Variants in PTPRN2 observed in about 807,000 individuals in gnomAD.
The protein encoded by PTPRN2 is protein tyrosine phosphatase receptor type N2.
PTPRN2 carries 74 observed loss-of-function variants against 118.8 expected under a neutral mutation model. The ratio of observed to expected loss-of-function variants is 0.62; its 90% CI spans 0.52 to 0.76. The LOEUF is 0.76. Ranked by LOEUF, PTPRN2 falls within the 30% of genes least tolerant of loss-of-function variation. The pLI is 0.00. For synonymous variants in PTPRN2, 641 were observed against 608.0 expected, an observed-to-expected ratio of 1.05 and a Z score of -0.80; for missense variants, 1,481 against 1,394.4, an observed-to-expected ratio of 1.06 and a Z score of -0.99.
In PTPRN2 at chr7:157,590,623, C is replaced by T. The variant is rs142399867; in HGVS notation, c.2496+4615G>A. ...CTGGGCTCTGCTCAGGGACGCAGCA[C>T]GGACAGAGGTGCTGTGGGCCCTGCG... On this transcript the variant is annotated intron_variant, in intron 17 of 22. Coordinates refer to ENST00000389418, the MANE Select transcript of PTPRN2 (RefSeq NM_002847.5). The surrounding 1 kb of genome is among the most constrained non-coding windows in gnomAD (Gnocchi z 4.0). 3.1e-3 allele frequency among the ~76,000 whole-genome samples: 479 copies of T among 152,298 alleles called. 4 individuals are homozygous for T. Among genetic ancestry groups the T allele is most frequent in the African/African-American group, 0.01 (428 of 41,570 alleles).
At chr7:158,120,139 T>C (rs904580340) in intron 9 of PTPRN2, among the ~76,000 whole-genome samples, 2 of 152,192 alleles carry the variant, frequency 1.3e-5, no homozygotes, top group African/African-American at 2.4e-5. Context: ...GTGAGGTTCC[T>C]AGAATCCTCA....
chr7:158,559,399 C>A (rs1827235010), intron 1 of PTPRN2, among the ~76,000 whole-genome samples: 1 of 152,224 alleles, frequency 6.6e-6, no homozygotes, highest in South Asian at 2.1e-4. Flanking sequence ...GAATGACACA[C>A]TTCCATCTTT....
intron 11 of PTPRN2, among the ~76,000 whole-genome samples, chr7:157,916,606 G>A (rs1798411156): frequency 7.2e-5 from 11 of 152,250 alleles, no homozygotes; most frequent in Admixed American, 7.2e-4. Flanking sequence ...TCACTGCAGA[G>A]CACGCAGCTC....
At chr7:157,651,157 C>G (rs547853657) in intron 14 of PTPRN2, among the ~76,000 whole-genome samples, 1 of 152,380 alleles carries the variant, frequency 6.6e-6, no homozygotes, top group Admixed American at 6.5e-5. Flanking sequence ...CCTCCCTCCT[C>G]AGCAAAATTC....
Position 158,570,710 on chromosome 7 carries a change from G to T in PTPRN2, c.112+16848C>A, listed in dbSNP as rs1052362627. Among the ~76,000 whole-genome samples, 1 of 152,206 alleles carries T rather than the reference G, an allele frequency of 6.6e-6. No homozygotes were observed. The highest frequency in any genetic ancestry group is 1.5e-5 in the Non-Finnish European group (1 of 68,036). ...CACGCGGCTGGGTACGGTTTGCAAC[G>T]CCGAGAGCCCGCGGAGAAGCTTGAG... On this transcript the variant is annotated intron_variant, in intron 1 of 22. Coordinates refer to ENST00000389418, the MANE Select transcript of PTPRN2 (RefSeq NM_002847.5). The surrounding 1 kb of genome is among the most constrained non-coding windows in gnomAD (Gnocchi z 4.5).
rs372077091 is a variant in PTPRN2 at position 158,056,906 on chromosome 7, G to A, written c.1723+24392C>T. On this transcript the variant is annotated intron_variant, in intron 11 of 22. Coordinates refer to ENST00000389418, the MANE Select transcript of PTPRN2 (RefSeq NM_002847.5). ...CAGGTGCAGCTGTGCCACCCACATC[G>A]GGACGCGTGCTCCACTCGTGGCATT... Among the ~76,000 whole-genome samples the A allele has an allele frequency of 1.4e-4, 22 of 152,296 alleles. No homozygotes were observed. The East Asian group carries it at 3.9e-3, about 27-fold the overall frequency.
intron 11 of PTPRN2, among the ~76,000 whole-genome samples, chr7:157,948,899 T>A (rs1169885375): frequency 6.6e-6 from 1 of 152,234 alleles, no homozygotes; most frequent in Non-Finnish European, 1.5e-5. Flanking sequence ...TGCAGATTTT[T>A]TTCAACCAAA....
chr7:157,938,892 C>G (rs1350662948), intron 11 of PTPRN2, among the ~76,000 whole-genome samples: 1 of 152,204 alleles, frequency 6.6e-6, no homozygotes, highest in Non-Finnish European at 1.5e-5. Flanking sequence ...TGTCAAGATG[C>G]TCATATCAGT....
intron 13 of PTPRN2, among the ~76,000 whole-genome samples, chr7:157,657,065 A>G (rs1156444867): frequency 8.0e-6 from 1 of 124,240 alleles, no homozygotes; most frequent in Non-Finnish European, 1.6e-5. Context: ...CACACACACC[A>G]CACACGTCAC....
At chr7:157,667,304 GCAA>G (rs1383066876) in intron 13 of PTPRN2, among the ~76,000 whole-genome samples, 1 of 147,576 alleles carries the variant, frequency 6.8e-6, no homozygotes, top group Non-Finnish European at 1.5e-5. Flanking sequence ...TCAGGTGGGT[GCAA>G]CGAGTACACA....
At chr7:158,262,493 A>G (rs111204890) in intron 3 of PTPRN2, among the ~76,000 whole-genome samples, 1 of 102,490 alleles carries the variant, frequency 9.8e-6, no homozygotes, top group African/African-American at 3.6e-5. Flanking sequence ...GCACACACAT[A>G]CATGCACACA....
At chr7:157,695,249 A>G (rs547502617) in intron 12 of PTPRN2, among the ~76,000 whole-genome samples, 2 of 152,136 alleles carry the variant, frequency 1.3e-5, no homozygotes, top group African/African-American at 4.8e-5. Context: ...TATGGGAAAC[A>G]TGATTATTAT....
chr7:158,392,460 C>T (rs765283638), intron 2 of PTPRN2, among the ~76,000 whole-genome samples: 9 of 152,208 alleles, frequency 5.9e-5, no homozygotes, highest in Non-Finnish European at 1.3e-4. Context: ...GTCTGGGGAA[C>T]CATCCTGGCA....
intron 11 of PTPRN2, among the ~76,000 whole-genome samples, chr7:158,072,004 TGC>T: frequency 9.7e-6 from 1 of 103,076 alleles, no homozygotes; most frequent in African/African-American, 3.9e-5. Context: ...GTGGTGGAGG[TGC>T]TCGTCGTATG....
rs556334948 is a variant in PTPRN2, at chr7:158,413,042, C to T, written c.163+76693G>A. Among the ~76,000 whole-genome samples the T allele has an allele frequency of 1.1e-4, 16 of 151,026 alleles. No individual in the cohort carries two copies. In the East Asian group the frequency reaches 3.2e-3, roughly 30 times the overall value. On this transcript the variant is annotated intron_variant, in intron 2 of 22. Transcript: ENST00000389418. ...CAGTGGCCTCCTCAGCTCCAGGGCC[C>T]ATCCAGTGCCCTTCTCAGCTCCAGG...
intron 12 of PTPRN2, among the ~76,000 whole-genome samples, chr7:157,850,911 C>A (rs1529840): frequency 0.68 from 104,084 of 152,150 alleles, 35,956 homozygotes; most frequent in East Asian, 0.93. Flanking sequence ...ATGCTTTGCA[C>A]ATTAGGATTT....
rs1414486759 is a variant in PTPRN2 at position 158,097,253 on chromosome 7, G to T, written c.1643+13576C>A. On this transcript the variant is annotated intron_variant, in intron 10 of 22. Transcript: ENST00000389418. Reference sequence around the variant, plus strand: ...GGCAGGCACTGGGGAAGGAGGTGGAGGGGCCCGGGCAGCACTGGGGTTGTC... The same window carrying T: ...GGCAGGCACTGGGGAAGGAGGTGGATGGGCCCGGGCAGCACTGGGGTTGTC... Among the ~76,000 whole-genome samples, 3 of 152,130 alleles carry T rather than the reference G, an allele frequency of 2.0e-5. No individual in the cohort carries two copies. In the East Asian group the frequency reaches 5.8e-4, roughly 29 times the overall value.
In PTPRN2 at chr7:158,093,239, A is replaced by C. The variant is rs1585414249; in HGVS notation, c.1644-11862T>G. Among the ~76,000 whole-genome samples, 1 of 103,026 alleles carries C rather than the reference A, an allele frequency of 9.7e-6. No homozygotes were observed. Among genetic ancestry groups the C allele is most frequent in the African/African-American group, 3.9e-5 (1 of 25,592 alleles). The allele number at this position is 103,026 out of a possible 152,430, so 67.6% of individuals were successfully genotyped here. ...GCTGGACCGACCCCCCACACTGTAG[A>C]CCCACACGCAGGCCTGCACCGTCCT... On this transcript the variant is annotated intron_variant, in intron 10 of 22. Transcript: ENST00000389418. This position sits in a 1 kb window ranked among gnomAD's most constrained non-coding sequence, Gnocchi z 4.4.
Position 157,881,489 on chromosome 7 carries a change from T to C in PTPRN2, c.1788+17184A>G, listed in dbSNP as rs1193172405. ...CTTCAGCCACCAGGATTGTGAGCAATAAAGGTTTGTGACTGAAGCCCCCCA... is the reference window on the plus strand; with the variant it reads ...CTTCAGCCACCAGGATTGTGAGCAACAAAGGTTTGTGACTGAAGCCCCCCA... On this transcript the variant is annotated intron_variant, in intron 12 of 22. Coordinates refer to ENST00000389418, the MANE Select transcript of PTPRN2 (RefSeq NM_002847.5). This position sits in a 1 kb window ranked among gnomAD's most constrained non-coding sequence, Gnocchi z 4.7. Among the ~76,000 whole-genome samples, 3 of 151,974 alleles carry C rather than the reference T, an allele frequency of 2.0e-5. No homozygotes were observed. The highest frequency in any genetic ancestry group is 3.9e-4 in the East Asian group (2 of 5,162).
Sources: allele counts gnomAD v4.1 joint callset (sites outside exome capture counted in the v4.1 genomes callset), GRCh38; gene constraint gnomAD v4.1.1; non-coding constraint Gnocchi (gnomAD v3.1); transcripts MANE v1.5; gene names NCBI Gene and HGNC (gene_info 2026-07-23, HGNC 2026-07-21).